MCUR1: variants seen among roughly 807,000 people sequenced by gnomAD.
MCUR1 encodes mitochondrial calcium uniporter regulator 1.
A neutral mutation model predicts 42.0 loss-of-function variants in MCUR1; 37 were observed. That is an observed-to-expected ratio of 0.88 (90% CI 0.68 to 1.16). The LOEUF (loss-of-function observed/expected upper bound fraction) is 1.16. MCUR1 is among the 50% of genes most tolerant of loss of function. The pLI is 0.00. For missense variants in MCUR1, 469 were observed against 468.4 expected (o/e 1.00, Z -0.01); for synonymous variants, 229 against 196.2 (o/e 1.17, Z -1.40).
At chr6:13,798,157 A>C (rs1759898956) in intron 6 of MCUR1, among the ~76,000 whole-genome samples, 1 of 151,510 alleles carries the variant, frequency 6.6e-6, no homozygotes, top group African/African-American at 2.4e-5. Context: ...GAGCAGTGGC[A>C]CAATCTCAGC....
intron 1 of MCUR1, 67 bp downstream of exon 1, chr6:13,813,948 T>G: frequency 8.2e-7 from 1 of 1,218,870 alleles, no homozygotes; most frequent in Non-Finnish European, 1.0e-6. Flanking sequence ...AGGCTGTAGC[T>G]GAGATCCCCG....
chr6:13,801,406 A>G lies in MCUR1; in HGVS notation c.640-17T>C. On this transcript the variant is annotated splice_polypyrimidine_tract_variant and intron_variant, in intron 3 of 8. Coordinates refer to ENST00000379170, the MANE Select transcript of MCUR1 (RefSeq NM_001031713.4). Reference sequence around the variant, plus strand: ...AGTGATTTCCTAGGAAAAGAAAAACAAAACACATAATCTAGTCTACCCTAA... The same window carrying G: ...AGTGATTTCCTAGGAAAAGAAAAACGAAACACATAATCTAGTCTACCCTAA... 6.4e-7 allele frequency: 1 copy of G among 1,554,642 alleles called. No homozygotes were observed. The highest frequency in any genetic ancestry group is 8.8e-7 in the Non-Finnish European group (1 of 1,131,442).
chr6:13,791,318 T>C (rs1240737464), intron 8 of MCUR1, among the ~76,000 whole-genome samples: 4 of 152,202 alleles, frequency 2.6e-5, no homozygotes, highest in Admixed American at 1.3e-4. Context: ...ATATGCACTA[T>C]AGAGACAGGA....
intron 6 of MCUR1, among the ~76,000 whole-genome samples, chr6:13,796,841 T>C (rs1413936638): frequency 6.6e-6 from 1 of 152,326 alleles, no homozygotes; most frequent in East Asian, 1.9e-4. Flanking sequence ...TTTTCCCAGG[T>C]TGGTTAGCTA....
intron 6 of MCUR1, among the ~76,000 whole-genome samples, chr6:13,797,008 G>T (rs1327411459): frequency 1.3e-5 from 2 of 152,172 alleles, no homozygotes; most frequent in South Asian, 2.1e-4. Context: ...AATCTTTATG[G>T]GTGGAGACTG....
intron 2 of MCUR1, among the ~76,000 whole-genome samples, chr6:13,803,101 G>A: frequency 6.6e-6 from 1 of 151,772 alleles, no homozygotes; most frequent in South Asian, 2.1e-4. Context: ...CGCTCTTGTT[G>A]CCCAGGCTGG....
rs1243684415 is a variant in MCUR1 at position 13,814,148 on chromosome 6, G to A, written c.282C>T (p.Arg94=). The A allele has an allele frequency of 7.6e-7, 1 of 1,309,104 alleles. No individual in the cohort carries two copies. The highest frequency in any genetic ancestry group is 1.5e-5 in the African/African-American group (1 of 64,558). The allele number at this position is 1,309,104 out of a possible 1,614,324, so 81.1% of individuals were successfully genotyped here. A position where few individuals can be genotyped will look rare whatever the true frequency, so the allele number is the denominator to read the frequency against. The change falls in exon 1 of 9, where the codon CGC becomes CGT. Residue 94 remains arginine, a synonymous_variant. Transcript: ENST00000379170. ...GGGGTGCGGCATACCCGAGGCGCGA[G>A]CGCTCCCAGTCCCCGAGCTGCCGGC... ...APRRQLGDWE[R]SRLGYAAPPA...
At chr6:13,791,086 T>C (rs1759720418) in intron 8 of MCUR1, among the ~76,000 whole-genome samples, 2 of 151,926 alleles carry the variant, frequency 1.3e-5, no homozygotes, top group South Asian at 4.2e-4. Flanking sequence ...CCAGGAGGAG[T>C]GCACCATGCA....
intron 1 of MCUR1, among the ~76,000 whole-genome samples, chr6:13,809,751 G>C (rs570277479): frequency 6.6e-6 from 1 of 151,196 alleles, no homozygotes; most frequent in Non-Finnish European, 1.5e-5. Context: ...AAAATTAGCC[G>C]AGTGTGGTGG....
rs547229827 is a variant in MCUR1 at position 13,795,037 on chromosome 6, T to C, written c.856-1090A>G. On this transcript the variant is annotated intron_variant, in intron 6 of 8. Transcript: ENST00000379170. Reference sequence around the variant, plus strand: ...TTTAAGAACTACATTAACCTTGTTATAGAAAGAAAAAGTTAATCCTTTGAA... The same window carrying C: ...TTTAAGAACTACATTAACCTTGTTACAGAAAGAAAAAGTTAATCCTTTGAA... 2.1e-4 allele frequency among the ~76,000 whole-genome samples: 32 copies of C among 150,826 alleles called. No homozygotes were observed. In the South Asian group the frequency reaches 6.7e-3, roughly 31 times the overall value.
In MCUR1 at chr6:13,797,647, G is replaced by A. The variant is rs557279827; in HGVS notation, c.855+1186C>T. 2.6e-5 allele frequency among the ~76,000 whole-genome samples: 4 copies of A among 151,960 alleles called. No individual in the cohort carries two copies. The South Asian group carries it at 8.3e-4, about 32-fold the overall frequency. On this transcript the variant is annotated intron_variant, in intron 6 of 8. Transcript: ENST00000379170. Reference sequence around the variant, plus strand: ...GACGTGAACCCGGGAGGCGAAGCTTGCAGTGAGCTGAGATCACACCACTGC... The same window carrying A: ...GACGTGAACCCGGGAGGCGAAGCTTACAGTGAGCTGAGATCACACCACTGC...
At position 13,813,939 on chromosome 6, in the gene MCUR1, G is replaced by A. The variant is rs1378905219; in HGVS notation, c.415+76C>T. ...GGCCTGCCGGGCCTTTCCTCGGGGA[G>A]GCTGTAGCTGAGATCCCCGCCCCGC... On this transcript the variant is annotated intron_variant, in intron 1 of 8. Coordinates refer to ENST00000379170, the MANE Select transcript of MCUR1 (RefSeq NM_001031713.4). The A allele has an allele frequency of 2.5e-6, 3 of 1,212,438 alleles. No homozygotes were observed. In the East Asian group the frequency reaches 9.8e-5, roughly 39 times the overall value. 75.1% of individuals were successfully genotyped at this position (1,212,438 alleles called of 1,614,324 possible). A position where few individuals can be genotyped will look rare whatever the true frequency, so the allele number is the denominator to read the frequency against.
chr6:13,786,747 T>C lies in MCUR1; in HGVS notation c.*4062A>G, dbSNP rs1428743439. 6.6e-6 allele frequency: 1 copy of C among 152,186 alleles called. No individual in the cohort carries two copies. Among genetic ancestry groups the C allele is most frequent in the Non-Finnish European group, 1.5e-5 (1 of 68,036 alleles). 9.4% of individuals were successfully genotyped at this position (152,186 alleles called of 1,614,324 possible). A position where few individuals can be genotyped will look rare whatever the true frequency, so the allele number is the denominator to read the frequency against. The stretch of plus-strand genomic sequence containing the variant: ...GTCACACAGAATTAAATATTTTAGA[T>C]AGTAAGAATCTTACACTTTATTAGA... On this transcript the variant is annotated 3_prime_UTR_variant, in exon 9 of 9. Coordinates refer to ENST00000379170, the MANE Select transcript of MCUR1 (RefSeq NM_001031713.4).
At chr6:13,813,494 G>C (rs1339819867) in intron 1 of MCUR1, among the ~76,000 whole-genome samples, 1 of 152,142 alleles carries the variant, frequency 6.6e-6, no homozygotes, top group Non-Finnish European at 1.5e-5. Context: ...TTAAGCTCCA[G>C]AGGGAAGATT....
At position 13,814,197 on chromosome 6, in the gene MCUR1, G is replaced by A; in HGVS notation, c.233C>T (p.Pro78Leu). The A allele has an allele frequency of 7.1e-7, 1 of 1,401,534 alleles. No homozygotes were observed. The highest frequency in any genetic ancestry group is 1.5e-5 in the South Asian group (1 of 64,978). The allele number at this position is 1,401,534 out of a possible 1,614,324, so 86.8% of individuals were successfully genotyped here. A position where few individuals can be genotyped will look rare whatever the true frequency, so the allele number is the denominator to read the frequency against. The change falls in exon 1 of 9, where the codon CCG (proline) becomes CTG (leucine). Residue 78 changes from proline to leucine, a missense_variant. Transcript: ENST00000379170. The stretch of plus-strand genomic sequence containing the variant: ...GCGCGGGGCTGCGGCGGCCAAGCGC[G>A]GGGAGGGCACTAGCAGGAGGAGGAG... ...PLLLLLLVPS[P>L]RLAAAAPRRQ...
intron 7 of MCUR1, among the ~76,000 whole-genome samples, chr6:13,792,342 G>A (rs1313070029): frequency 7.9e-5 from 12 of 152,198 alleles, no homozygotes; most frequent in South Asian, 2.1e-4. Context: ...GTGGTATTAT[G>A]AGGCCAGTCT....
intron 2 of MCUR1, among the ~76,000 whole-genome samples, chr6:13,802,554 T>C (rs1760014939): frequency 6.6e-6 from 1 of 152,182 alleles, no homozygotes; most frequent in Non-Finnish European, 1.5e-5. Context: ...CAGGTACCGG[T>C]GGCTTTGCTG....
chr6:13,811,181 T>C (rs1445487628), intron 1 of MCUR1, among the ~76,000 whole-genome samples: 1 of 152,200 alleles, frequency 6.6e-6, no homozygotes, highest in African/African-American at 2.4e-5. Context: ...AGCCCATACC[T>C]GTGTTCTCAG....
At chr6:13,793,125 C>CAAAAAA (rs781438643) in intron 7 of MCUR1, among the ~76,000 whole-genome samples, 44 of 87,784 alleles carry the variant, frequency 5.0e-4, no homozygotes, top group African/African-American at 6.4e-4. Flanking sequence ...GACCCCACCT[C>CAAAAAA]AAAAAAAAAA....
Sources: allele counts gnomAD v4.1 joint callset (sites outside exome capture counted in the v4.1 genomes callset), GRCh38; gene constraint gnomAD v4.1.1; transcripts MANE v1.5; gene names NCBI Gene and HGNC (gene_info 2026-07-23, HGNC 2026-07-21).